Variants in DPP10 observed in about 807,000 individuals in gnomAD.
The protein encoded by DPP10 is dipeptidyl peptidase like 10, also known as inactive dipeptidyl peptidase 10.
In DPP10, 33 loss-of-function variants were observed where a neutral mutation model predicts 120.9. The observed-to-expected ratio is 0.27, with a 90% CI of 0.21 to 0.37. DPP10 has a LOEUF of 0.37. Among genes scored for constraint, DPP10 ranks in the 10% least tolerant of loss-of-function variants. DPP10 has a pLI of 1.00. For missense variants in DPP10, 816 were observed against 942.8 expected (o/e 0.87, Z 1.76); for synonymous variants, 337 against 326.1 (o/e 1.03, Z -0.36).
rs1690306264 is a variant in DPP10 at position 115,843,050 on chromosome 2, A to G, written c.*705A>G. On this transcript the variant is annotated 3_prime_UTR_variant, in exon 26 of 26. Coordinates refer to ENST00000410059, the MANE Select transcript of DPP10 (RefSeq NM_020868.6). ...ATGAAACTATCTTTAAATGTTATTC[A>G]TGCTATAAAGAGTAAACGTTTGATG... 1 of 152,636 alleles carries G rather than the reference A, an allele frequency of 6.6e-6. No individual in the cohort carries two copies. The allele number at this position is 152,636 out of a possible 1,614,324, so 9.5% of individuals were successfully genotyped here. A position where few individuals can be genotyped will look rare whatever the true frequency, so the allele number is the denominator to read the frequency against.
intron 5 of DPP10, among the ~76,000 whole-genome samples, chr2:115,664,940 C>T (rs542535153): frequency 7.6e-5 from 10 of 131,058 alleles, no homozygotes; most frequent in African/African-American, 2.5e-4. Flanking sequence ...TTGTACTAGC[C>T]ATGTCTCAAG....
At chr2:115,521,195 A>G (rs2077785121) in intron 4 of DPP10, among the ~76,000 whole-genome samples, 1 of 152,212 alleles carries the variant, frequency 6.6e-6, no homozygotes, top group Non-Finnish European at 1.5e-5. Context: ...TAAAGAATAC[A>G]AGCAATGGTA....
intron 19 of DPP10, among the ~76,000 whole-genome samples, chr2:115,804,407 T>A: frequency 6.6e-6 from 1 of 152,174 alleles, no homozygotes; most frequent in East Asian, 1.9e-4. Flanking sequence ...TAGTTTGATC[T>A]TCTGAACCCT....
At chr2:115,310,336 A>G (rs1266760038) in intron 2 of DPP10, among the ~76,000 whole-genome samples, 1 of 152,170 alleles carries the variant, frequency 6.6e-6, no homozygotes, top group African/African-American at 2.4e-5. Context: ...AATATGATTA[A>G]CAATAACTGT....
At chr2:115,356,120 G>A (rs1186712296) in intron 3 of DPP10, among the ~76,000 whole-genome samples, 1 of 150,794 alleles carries the variant, frequency 6.6e-6, no homozygotes, top group South Asian at 2.2e-4. Flanking sequence ...GATGGGAATA[G>A]CATTGAATCT....
At chr2:114,847,242 T>C (rs1212911629) in intron 1 of DPP10, among the ~76,000 whole-genome samples, 2 of 152,094 alleles carry the variant, frequency 1.3e-5, no homozygotes, top group Non-Finnish European at 2.9e-5. Flanking sequence ...TACAGGCTCC[T>C]TCACAATTTC....
intron 3 of DPP10, among the ~76,000 whole-genome samples, chr2:115,434,581 G>T (rs1397362638): frequency 6.6e-6 from 1 of 150,832 alleles, no homozygotes. Context: ...ACATATTTTG[G>T]AGGTACGTGT....
chr2:115,002,048 G>A (rs1055584029), intron 1 of DPP10, among the ~76,000 whole-genome samples: 4 of 151,986 alleles, frequency 2.6e-5, no homozygotes, highest in African/African-American at 9.7e-5. Flanking sequence ...AATTCATATG[G>A]AACCAAAAAA....
At chr2:115,572,115 A>G (rs2081367871) in intron 5 of DPP10, among the ~76,000 whole-genome samples, 1 of 152,158 alleles carries the variant, frequency 6.6e-6, no homozygotes, top group South Asian at 2.1e-4. Flanking sequence ...CTGGGTTGCC[A>G]TAGAGATGTC....
At chr2:114,908,763 T>C (rs1694156430) in intron 1 of DPP10, among the ~76,000 whole-genome samples, 1 of 151,758 alleles carries the variant, frequency 6.6e-6, no homozygotes, top group Non-Finnish European at 1.5e-5. Context: ...TAATTTATTC[T>C]TTATTCAGTT....
At chr2:114,886,791 G>A (rs1349773410) in intron 1 of DPP10, among the ~76,000 whole-genome samples, 7 of 152,042 alleles carry the variant, frequency 4.6e-5, no homozygotes, top group South Asian at 2.1e-4. Flanking sequence ...TCATGTAGTC[G>A]AGGCCTTGCT....
At chr2:115,607,488 G>A (rs2083776416) in intron 5 of DPP10, among the ~76,000 whole-genome samples, 1 of 152,140 alleles carries the variant, frequency 6.6e-6, no homozygotes, top group Non-Finnish European at 1.5e-5. Context: ...CGAGTCAATA[G>A]CATTATGTGG....
chr2:115,704,458 A>AT (rs1421329012), intron 7 of DPP10, among the ~76,000 whole-genome samples: 5 of 151,826 alleles, frequency 3.3e-5, no homozygotes, highest in Non-Finnish European at 5.9e-5. Context: ...TCTATTAAAC[A>AT]TTTTTTCTCT....
At chr2:115,053,560 G>A (rs1179379900) in intron 1 of DPP10, among the ~76,000 whole-genome samples, 1 of 152,206 alleles carries the variant, frequency 6.6e-6, no homozygotes, top group Non-Finnish European at 1.5e-5. Flanking sequence ...AGACACCATT[G>A]TGATTTTACT....
Position 115,836,171 on chromosome 2 carries a change from T to C in DPP10, c.1965T>C (p.Tyr655=). Residue 655 remains tyrosine, a synonymous_variant, in exon 22 of 26, where the codon TAT becomes TAC. Transcript: ENST00000410059. ...LSIFGKGYGG[Y]IASMILKSDE... is the part of the protein sequence containing the mutation. ...TTCCCCCCCAGGGTTATGGTGGCTA[T>C]ATTGCATCAATGATCTTAAAATCAG... 6.2e-7 allele frequency: 1 copy of C among 1,600,542 alleles called. No homozygotes were observed. Among genetic ancestry groups the C allele is most frequent in the Non-Finnish European group, 8.5e-7 (1 of 1,174,674 alleles).
chr2:115,381,256 T>A (rs1286322216), intron 3 of DPP10, among the ~76,000 whole-genome samples: 4 of 152,202 alleles, frequency 2.6e-5, no homozygotes, highest in African/African-American at 9.7e-5. Context: ...TCGTATCTTT[T>A]TATTCTTTTT....
intron 1 of DPP10, among the ~76,000 whole-genome samples, chr2:115,023,028 A>G (rs1455312199): frequency 6.6e-6 from 1 of 152,192 alleles, no homozygotes; most frequent in Non-Finnish European, 1.5e-5. Flanking sequence ...TAAATCCAAG[A>G]TCTGAAACCA....
intron 5 of DPP10, among the ~76,000 whole-genome samples, chr2:115,602,142 C>T (rs1201875703): frequency 2.0e-5 from 3 of 152,158 alleles, no homozygotes; most frequent in Non-Finnish European, 1.5e-5. Context: ...TTAACAGTCT[C>T]TAAGTAAAAT....
intron 1 of DPP10, among the ~76,000 whole-genome samples, chr2:114,510,735 C>G (rs573174040): frequency 2.0e-5 from 3 of 152,160 alleles, no homozygotes; most frequent in Non-Finnish European, 2.9e-5. Context: ...TCATACTGTT[C>G]TTTGAGACAT....
Sources: gnomAD v4.1 joint callset for allele counts (sites outside exome capture counted in the v4.1 genomes callset) on GRCh38, gnomAD v4.1.1 for gene constraint, MANE v1.5 for transcripts, NCBI Gene and HGNC (gene_info 2026-07-23, HGNC 2026-07-21) for gene names.